The following RBFOX1 variants were observed in gnomAD, a reference collection of about 807,000 sequenced individuals.
RBFOX1 encodes RNA binding fox-1 homolog 1.
A neutral mutation model predicts 57.7 loss-of-function variants in RBFOX1; 8 were observed. The observed-to-expected ratio is 0.14, with a 90% confidence interval of 0.08 to 0.25. The LOEUF is 0.25. Ranked by LOEUF, RBFOX1 falls within the 10% of genes least tolerant of loss-of-function variation. The pLI is 1.00. For synonymous variants in RBFOX1, 326 were observed against 222.4 expected, an observed-to-expected ratio of 1.47 and a Z score of -4.15; for missense variants, 611 against 548.5, an observed-to-expected ratio of 1.11 and a Z score of -1.14.
At chr16:5,422,260 A>G (rs1352554578) in intron 1 of RBFOX1, among the ~76,000 whole-genome samples, 3 of 136,636 alleles carry the variant, frequency 2.2e-5, no homozygotes, top group African/African-American at 8.4e-5. Context: ...GAGAGGGAGG[A>G]GGAGCAGGGA....
At chr16:6,342,183 G>A (rs1399627580) in intron 2 of RBFOX1, among the ~76,000 whole-genome samples, 1 of 152,176 alleles carries the variant, frequency 6.6e-6, no homozygotes, top group Non-Finnish European at 1.5e-5. Context: ...TCACTCTGCT[G>A]CAATGTGGGA....
intron 3 of RBFOX1, among the ~76,000 whole-genome samples, chr16:6,817,532 T>TA (rs71145302): frequency 0.085 from 10,816 of 127,466 alleles, 541 homozygotes; most frequent in African/African-American, 0.13. Context: ...TTTCTTTGCT[T>TA]AAAAAAAAAA....
intron 3 of RBFOX1, among the ~76,000 whole-genome samples, chr16:6,930,468 G>A (rs137957547): frequency 5.8e-4 from 88 of 152,210 alleles, no homozygotes; most frequent in African/African-American, 2.1e-3. Flanking sequence ...GGAGCGCAGT[G>A]GTGTGATCTC....
At chr16:5,549,672 A>C (rs911481388) in intron 2 of RBFOX1, among the ~76,000 whole-genome samples, 3 of 152,230 alleles carry the variant, frequency 2.0e-5, no homozygotes, top group Non-Finnish European at 4.4e-5. Context: ...ATGTTTAAAA[A>C]GGGTAGAAAC....
intron 1 of RBFOX1, among the ~76,000 whole-genome samples, chr16:5,255,163 A>T (rs981372069): frequency 8.5e-5 from 13 of 152,158 alleles, no homozygotes; most frequent in African/African-American, 3.1e-4. Context: ...ACTAAGGCTG[A>T]CCATTACCCA....
intron 4 of RBFOX1, among the ~76,000 whole-genome samples, chr16:7,154,580 A>G (rs2076714125): frequency 1.3e-5 from 2 of 152,160 alleles, no homozygotes; most frequent in African/African-American, 4.8e-5. Context: ...ATTTATATTT[A>G]AACTTGAAGG....
At chr16:5,283,924 C>T (rs564463657) in intron 1 of RBFOX1, among the ~76,000 whole-genome samples, 1 of 152,010 alleles carries the variant, frequency 6.6e-6, no homozygotes, top group East Asian at 1.9e-4. Context: ...TGGGAGGGGC[C>T]AGGGGCAGAA....
intron 4 of RBFOX1, among the ~76,000 whole-genome samples, chr16:7,098,134 A>G (rs1349924473): frequency 6.6e-6 from 1 of 152,170 alleles, no homozygotes; most frequent in Non-Finnish European, 1.5e-5. Context: ...TTAATGGAAG[A>G]TGGAGGGTAA....
intron 1 of RBFOX1, among the ~76,000 whole-genome samples, chr16:5,464,155 C>G (rs1365621313): frequency 1.3e-5 from 2 of 152,150 alleles, no homozygotes; most frequent in African/African-American, 2.4e-5. Context: ...GAGAGGAGAG[C>G]TGGGCTTGGG....
chr16:5,525,768 G>C (rs1275641445), intron 2 of RBFOX1, among the ~76,000 whole-genome samples: 1 of 152,032 alleles, frequency 6.6e-6, no homozygotes, highest in Non-Finnish European at 1.5e-5. Context: ...AAAGTGCTGG[G>C]AATACAGGGG....
At chr16:5,411,036 G>A (rs192431309) in intron 1 of RBFOX1, among the ~76,000 whole-genome samples, 2 of 152,328 alleles carry the variant, frequency 1.3e-5, no homozygotes, top group Admixed American at 1.3e-4. Context: ...TTAAATGTGA[G>A]TTGTTATCCT....
intron 1 of RBFOX1, among the ~76,000 whole-genome samples, chr16:6,165,786 T>G (rs1328728247): frequency 6.6e-6 from 1 of 152,142 alleles, no homozygotes; most frequent in Non-Finnish European, 1.5e-5. Context: ...TGCTAAGGGT[T>G]ATTTACAAGA....
chr16:5,341,066 G>C (rs1455667866), intron 1 of RBFOX1, among the ~76,000 whole-genome samples: 1 of 152,200 alleles, frequency 6.6e-6, no homozygotes, highest in East Asian at 1.9e-4. Flanking sequence ...AGAGAGACTA[G>C]CCAGTGCAGC....
At chr16:7,398,404 T>C (rs1282915398) in intron 4 of RBFOX1, among the ~76,000 whole-genome samples, 1 of 152,246 alleles carries the variant, frequency 6.6e-6, no homozygotes, top group Non-Finnish European at 1.5e-5. Flanking sequence ...TGTAAGATTT[T>C]GTTAATGTCT....
At chr16:5,521,231 C>T (rs1279362037) in intron 2 of RBFOX1, among the ~76,000 whole-genome samples, 2 of 152,052 alleles carry the variant, frequency 1.3e-5, no homozygotes, top group East Asian at 1.9e-4. Flanking sequence ...CCACCAGGGT[C>T]CCCAACTCCT....
chr16:6,626,139 G>GTTTT (rs112941400), intron 2 of RBFOX1, among the ~76,000 whole-genome samples: 1 of 137,240 alleles, frequency 7.3e-6, no homozygotes, highest in Non-Finnish European at 1.6e-5. Flanking sequence ...AATTCTGCAG[G>GTTTT]TTTTTTTTTT....
chr16:6,442,948 T>C (rs1413198235), intron 2 of RBFOX1, among the ~76,000 whole-genome samples: 2 of 152,184 alleles, frequency 1.3e-5, no homozygotes, highest in African/African-American at 4.8e-5. Context: ...AATAAAAATG[T>C]ATCTTTCTGA....
chr16:7,415,011 C>T (rs1209861152), intron 4 of RBFOX1, among the ~76,000 whole-genome samples: 1 of 152,246 alleles, frequency 6.6e-6, no homozygotes. Context: ...TATATGATCA[C>T]ATAGTGAATG....
chr16:6,490,090 G>A (rs1230808603), intron 2 of RBFOX1, among the ~76,000 whole-genome samples: 1 of 152,172 alleles, frequency 6.6e-6, no homozygotes, highest in African/African-American at 2.4e-5. Flanking sequence ...CTAATGCCAG[G>A]CTGTTTGTTG....
Sources: allele counts gnomAD v4.1 joint callset (sites outside exome capture counted in the v4.1 genomes callset), GRCh38; gene constraint gnomAD v4.1.1; transcripts MANE v1.5; gene names NCBI Gene and HGNC (gene_info 2026-07-23, HGNC 2026-07-21).